The following CPQ variants were observed in gnomAD, a reference collection of about 807,000 sequenced individuals.
CPQ encodes carboxypeptidase Q.
In CPQ, 37 loss-of-function variants were observed where a neutral mutation model predicts 45.7. The observed-to-expected ratio is 0.81, with a 90% CI of 0.62 to 1.07. The LOEUF (loss-of-function observed/expected upper bound fraction) is 1.07, where lower values mean the gene tolerates loss of function less well. CPQ is among the 50% of genes least tolerant of loss of function. The pLI is 0.00. For synonymous variants in CPQ, 186 were observed against 205.8 expected, an observed-to-expected ratio of 0.90 and a Z score of 0.82; for missense variants, 537 against 572.9, an observed-to-expected ratio of 0.94 and a Z score of 0.64.
chr8:97,078,175 G>A (rs1260332351), intron 7 of CPQ, among the ~76,000 whole-genome samples: 1 of 152,096 alleles, frequency 6.6e-6, no homozygotes, highest in Non-Finnish European at 1.5e-5. Context: ...CTGGTTCTGA[G>A]TCCTTTTGAC....
intron 2 of CPQ, among the ~76,000 whole-genome samples, chr8:96,831,955 C>T (rs903117370): frequency 3.9e-5 from 6 of 152,110 alleles, no homozygotes; most frequent in Non-Finnish European, 2.9e-5. Context: ...TGGTCAATAG[C>T]CACATGTGGC....
rs1408621592 is a variant in CPQ at position 97,143,201 on chromosome 8, C to T, written c.*18C>T. 6.2e-7 allele frequency: 1 copy of T among 1,611,052 alleles called. No homozygotes were observed. Among genetic ancestry groups the T allele is most frequent in the Non-Finnish European group, 8.5e-7 (1 of 1,178,762 alleles). On this transcript the variant is annotated 3_prime_UTR_variant, in exon 8 of 8. Coordinates refer to ENST00000220763, the MANE Select transcript of CPQ (RefSeq NM_016134.4). ...GGTCCTAGAAACAGTAAGAAAGAAA[C>T]GTTTTCATGCTTCTGGCCAGGAATC...
At chr8:97,050,328 C>G (rs1012404980) in intron 6 of CPQ, among the ~76,000 whole-genome samples, 25 of 151,980 alleles carry the variant, frequency 1.6e-4, no homozygotes, top group Non-Finnish European at 3.1e-4. Flanking sequence ...TATCCAGGGC[C>G]CTTTCTGTGT....
chr8:96,815,968 G>A (rs534883615), intron 2 of CPQ, among the ~76,000 whole-genome samples: 5 of 152,162 alleles, frequency 3.3e-5, no homozygotes, highest in Non-Finnish European at 7.3e-5. Flanking sequence ...TGGTGGTCTT[G>A]CCTTGATGTT....
intron 7 of CPQ, among the ~76,000 whole-genome samples, chr8:97,099,047 A>T (rs1241735903): frequency 6.6e-6 from 1 of 151,696 alleles, no homozygotes; most frequent in Non-Finnish European, 1.5e-5. Flanking sequence ...CAAGTTTTTA[A>T]AGCATTCAAG....
intron 3 of CPQ, among the ~76,000 whole-genome samples, chr8:96,872,831 C>A (rs1812089346): frequency 6.6e-6 from 1 of 152,004 alleles, no homozygotes; most frequent in South Asian, 2.1e-4. Flanking sequence ...TTATTCAATA[C>A]TTTCTAGCTC....
At chr8:96,781,881 A>G (rs1384374694) in intron 1 of CPQ, among the ~76,000 whole-genome samples, 1 of 152,172 alleles carries the variant, frequency 6.6e-6, no homozygotes, top group Non-Finnish European at 1.5e-5. Flanking sequence ...ACTGGTTCCA[A>G]GTAAGTCCAA....
At chr8:96,941,564 G>T (rs554269365) in intron 4 of CPQ, among the ~76,000 whole-genome samples, 1 of 152,092 alleles carries the variant, frequency 6.6e-6, no homozygotes, top group Non-Finnish European at 1.5e-5. Flanking sequence ...TAGTAGTAAT[G>T]AGTTGTTATT....
intron 4 of CPQ, among the ~76,000 whole-genome samples, chr8:96,901,620 G>A (rs1473756395): frequency 1.3e-5 from 2 of 152,164 alleles, no homozygotes; most frequent in Admixed American, 6.6e-5. Context: ...CAGTGTGGAT[G>A]TCTTAGCTTA....
intron 1 of CPQ, among the ~76,000 whole-genome samples, chr8:96,692,647 A>T (rs528202261): frequency 2.6e-4 from 40 of 152,326 alleles, no homozygotes; most frequent in African/African-American, 9.6e-4. Context: ...CCTAATGCAG[A>T]TACAGCTGCA....
chr8:96,744,577 A>G (rs1016766901), intron 1 of CPQ, among the ~76,000 whole-genome samples: 1 of 152,230 alleles, frequency 6.6e-6, no homozygotes, highest in Non-Finnish European at 1.5e-5. Flanking sequence ...TTTTTTATCA[A>G]TAATCCTTTT....
chr8:96,728,903 A>G (rs141112680), intron 1 of CPQ, among the ~76,000 whole-genome samples: 9 of 152,246 alleles, frequency 5.9e-5, no homozygotes, highest in Non-Finnish European at 1.3e-4. Flanking sequence ...TCACAGGCCT[A>G]AGGAAGACTA....
chr8:96,753,216 G>T (rs1810285519), intron 1 of CPQ, among the ~76,000 whole-genome samples: 1 of 152,044 alleles, frequency 6.6e-6, no homozygotes, highest in Non-Finnish European at 1.5e-5. Context: ...AAGTTATAAT[G>T]TGTACAAGGC....
intron 5 of CPQ, among the ~76,000 whole-genome samples, chr8:96,973,763 G>A (rs1813722850): frequency 6.6e-6 from 1 of 152,088 alleles, no homozygotes; most frequent in East Asian, 1.9e-4. Flanking sequence ...TTTGTATCCA[G>A]CAAAACTAAG....
chr8:97,097,400 A>G (rs148559543), intron 7 of CPQ, among the ~76,000 whole-genome samples: 118 of 152,298 alleles, frequency 7.7e-4, no homozygotes, highest in African/African-American at 2.7e-3. Flanking sequence ...CATATGGAAT[A>G]TGCTTAATAA....
chr8:97,055,162 C>T (rs1810432266), intron 6 of CPQ, among the ~76,000 whole-genome samples: 2 of 152,098 alleles, frequency 1.3e-5, no homozygotes, highest in South Asian at 4.2e-4. Context: ...TTGAAGATCC[C>T]CTGGTCCTAG....
chr8:96,824,979 C>T (rs1172126435), intron 2 of CPQ, among the ~76,000 whole-genome samples: 1 of 151,916 alleles, frequency 6.6e-6, no homozygotes. Context: ...AAGGGACATC[C>T]CCTGTGGTGG....
chr8:96,990,425 C>T (rs920940768), intron 5 of CPQ, among the ~76,000 whole-genome samples: 1 of 152,186 alleles, frequency 6.6e-6, no homozygotes, highest in Non-Finnish European at 1.5e-5. Context: ...AAATCTAAGC[C>T]TAGTGGACTC....
intron 7 of CPQ, among the ~76,000 whole-genome samples, chr8:97,076,867 A>G (rs1810854461): frequency 6.6e-6 from 1 of 152,180 alleles, no homozygotes; most frequent in South Asian, 2.1e-4. Flanking sequence ...CCTGCACACA[A>G]AAATCTGCAT....
Sources: gnomAD v4.1 joint callset for allele counts (sites outside exome capture counted in the v4.1 genomes callset) on GRCh38, gnomAD v4.1.1 for gene constraint, MANE v1.5 for transcripts, NCBI Gene and HGNC (gene_info 2026-07-23, HGNC 2026-07-21) for gene names.